The following HDAC8 variants were observed in gnomAD, a reference collection of about 807,000 sequenced individuals.
HDAC8 encodes histone deacetylase-like 1.
HDAC8 carries 1 observed loss-of-function variant against 32.2 expected under a neutral mutation model. The ratio of observed to expected loss-of-function variants is 0.03; its 90% CI spans 0.01 to 0.15. The LOEUF is 0.15. HDAC8 is among the 10% of genes least tolerant of loss of function. The pLI, the probability that HDAC8 is intolerant of heterozygous loss-of-function variation, is 1.00. For missense variants in HDAC8, 117 were observed against 300.0 expected, an observed-to-expected ratio of 0.39 and a Z score of 4.51; for synonymous variants, 108 against 113.9, an observed-to-expected ratio of 0.95 and a Z score of 0.33.
rs1055535819 is a variant in HDAC8, at chrX:72,387,921, G to A, written c.1006-36083C>T. Among the ~76,000 whole-genome samples, 5 of 110,788 alleles carry A rather than the reference G, an allele frequency of 4.5e-5. No individual in the cohort carries two copies. The Admixed American group carries it at 4.8e-4, about 11-fold the overall frequency. On this transcript the variant is annotated intron_variant, in intron 9 of 10. Transcript: ENST00000373573. ...TATGTGTGTCAGATATTATAGGATCGCAGGGAAAGGAGTGATAAACTATGG... is the reference window on the plus strand; with the variant it reads ...TATGTGTGTCAGATATTATAGGATCACAGGGAAAGGAGTGATAAACTATGG...
chrX:72,342,225 C>T (rs782245204), intron 10 of HDAC8, among the ~76,000 whole-genome samples: 11 of 112,728 alleles, frequency 9.8e-5, no homozygotes, highest in Admixed American at 1.9e-4. Flanking sequence ...TCTCAAAAGA[C>T]TGTGAGCTCC....
At chrX:72,340,625 C>T (rs972538866) in intron 10 of HDAC8, among the ~76,000 whole-genome samples, 7 of 111,624 alleles carry the variant, frequency 6.3e-5, no homozygotes, top group East Asian at 5.6e-4. Flanking sequence ...AGGCCTTGGA[C>T]GCCACCAGAA....
At chrX:72,499,954 A>G (rs978282408) in intron 4 of HDAC8, among the ~76,000 whole-genome samples, 1 of 111,773 alleles carries the variant, frequency 8.9e-6, no homozygotes, top group Non-Finnish European at 1.9e-5. Context: ...GAATGTTACC[A>G]CTGGCCCCAC....
At chrX:72,519,802 C>T (rs2049926689) in intron 4 of HDAC8, among the ~76,000 whole-genome samples, 1 of 111,425 alleles carries the variant, frequency 9.0e-6, no homozygotes, top group Non-Finnish European at 1.9e-5. Context: ...GTTGCCCAAG[C>T]TGGTCTTGAA....
At chrX:72,367,101 G>T (rs191270434) in intron 9 of HDAC8, among the ~76,000 whole-genome samples, 128 of 112,332 alleles carry the variant, frequency 1.1e-3, no homozygotes, top group African/African-American at 3.6e-3. Context: ...GCTCTCCAAG[G>T]TTGCTTTTTG....
intron 9 of HDAC8, among the ~76,000 whole-genome samples, chrX:72,441,194 G>C (rs12013280): frequency 0.02 from 2,204 of 112,694 alleles, 57 homozygotes; most frequent in African/African-American, 0.067. Flanking sequence ...GGTTCTCCCA[G>C]CATGCAGCTG....
intron 9 of HDAC8, among the ~76,000 whole-genome samples, chrX:72,429,117 T>C (rs1008128443): frequency 9.2e-6 from 1 of 108,540 alleles, no homozygotes; most frequent in Non-Finnish European, 1.9e-5. Context: ...CCTGTTGTAC[T>C]CCTCTAAGGA....
chrX:72,331,211 C>G (rs1344875950), intron 10 of HDAC8, among the ~76,000 whole-genome samples: 4 of 110,743 alleles, frequency 3.6e-5, no homozygotes, highest in African/African-American at 1.3e-4. Context: ...TCCCAAAGTG[C>G]TGGGATTACA....
intron 3 of HDAC8, among the ~76,000 whole-genome samples, chrX:72,568,538 C>T (rs2051887707): frequency 8.9e-6 from 1 of 112,565 alleles, no homozygotes; most frequent in Non-Finnish European, 1.9e-5. Flanking sequence ...GCCAGTAGGG[C>T]ATAAGCAACT....
chrX:72,435,635 G>T (rs1555978927), intron 9 of HDAC8, among the ~76,000 whole-genome samples: 2 of 111,717 alleles, frequency 1.8e-5, no homozygotes, highest in Non-Finnish European at 3.8e-5. Flanking sequence ...AAAACTCACT[G>T]GATGGGCTAA....
rs1195046912 is a variant in HDAC8, at chrX:72,378,040, AT to A, written c.1006-26203del. Among the ~76,000 whole-genome samples, 817 of 104,566 alleles carry A rather than the reference AT, an allele frequency of 7.8e-3. 8 individuals are homozygous for A. Among genetic ancestry groups the A allele is most frequent in the African/African-American group, 0.025 (728 of 29,000 alleles). 90.8% of individuals were successfully genotyped at this position (104,566 alleles called of 115,157 possible). A position where few individuals can be genotyped will look rare whatever the true frequency, so the allele number is the denominator to read the frequency against. On this transcript the variant is annotated intron_variant, in intron 9 of 10. Coordinates refer to ENST00000373573, the MANE Select transcript of HDAC8 (RefSeq NM_018486.3). ...TGTGTGTATATATATGTATATGTAT[AT>A]TTTTTTTTTTAGTGGTTGCCTGAGT... is the stretch of plus-strand genomic sequence containing the variant.
In HDAC8 at chrX:72,501,023, GAC is replaced by G. The variant is rs781920379; in HGVS notation, c.438-5757_438-5756del. Among the ~76,000 whole-genome samples the G allele has an allele frequency of 9.9e-5, 11 of 111,281 alleles. 1 individual carries two copies. The South Asian group carries it at 4.3e-3, about 43-fold the overall frequency. On this transcript the variant is annotated intron_variant, in intron 4 of 10. Coordinates refer to ENST00000373573, the MANE Select transcript of HDAC8 (RefSeq NM_018486.3). ...CATGAAAGAACTTCCATTCACAATT[GAC>G]ACAAAAAGAATAAAATACCTAGGAA...
chrX:72,549,839 A>G (rs1556065392), intron 4 of HDAC8, among the ~76,000 whole-genome samples: 1 of 111,760 alleles, frequency 8.9e-6, no homozygotes, highest in Non-Finnish European at 1.9e-5. Flanking sequence ...CGCTGCTTTC[A>G]TCTCTTCTTG....
chrX:72,411,680 G>C (rs917011959), intron 9 of HDAC8, among the ~76,000 whole-genome samples: 9 of 112,329 alleles, frequency 8.0e-5, no homozygotes, highest in African/African-American at 2.9e-4. Context: ...TAGAAATGGA[G>C]TAATGAAGAA....
chrX:72,542,638 G>T (rs1556044095), intron 4 of HDAC8, among the ~76,000 whole-genome samples: 1 of 111,957 alleles, frequency 8.9e-6, no homozygotes, highest in Admixed American at 9.5e-5. Context: ...GGTAGTCAAA[G>T]TACACCAAGG....
chrX:72,388,481 T>C (rs2045517078), intron 9 of HDAC8, among the ~76,000 whole-genome samples: 1 of 109,656 alleles, frequency 9.1e-6, no homozygotes, highest in Non-Finnish European at 1.9e-5. Context: ...GTCTTGTTGG[T>C]CTACCTCCAA....
At chrX:72,452,756 T>C (rs1342248435) in intron 9 of HDAC8, among the ~76,000 whole-genome samples, 1 of 111,906 alleles carries the variant, frequency 8.9e-6, no homozygotes, top group African/African-American at 3.2e-5. Context: ...AATTCAACAA[T>C]ATAAAAGTCA....
At chrX:72,534,437 T>C (rs1430104464) in intron 4 of HDAC8, among the ~76,000 whole-genome samples, 1 of 108,455 alleles carries the variant, frequency 9.2e-6, no homozygotes, top group Non-Finnish European at 1.9e-5. Flanking sequence ...GCCTCCCGAA[T>C]AGCTGGGACT....
intron 9 of HDAC8, among the ~76,000 whole-genome samples, chrX:72,362,691 C>G (rs2044591039): frequency 8.9e-6 from 1 of 112,374 alleles, no homozygotes. Context: ...TATTATCATT[C>G]TTTTTCTTGT....
Sources: gnomAD v4.1 joint callset for allele counts (sites outside exome capture counted in the v4.1 genomes callset) on GRCh38, gnomAD v4.1.1 for gene constraint, MANE v1.5 for transcripts, NCBI Gene and HGNC (gene_info 2026-07-23, HGNC 2026-07-21) for gene names.